The following USP24 variants were observed in gnomAD, a reference collection of about 807,000 sequenced individuals.
The protein encoded by USP24 is ubiquitin carboxyl-terminal hydrolase 24.
USP24 carries 97 observed loss-of-function variants against 361.6 expected under a neutral mutation model. That is an observed-to-expected ratio of 0.27 (90% confidence interval 0.23 to 0.32). USP24 has a LOEUF of 0.32. Ranked by LOEUF, USP24 falls within the 10% of genes least tolerant of loss-of-function variation. USP24 has a pLI of 1.00. For synonymous variants in USP24, 1,098 were observed against 1,124.6 expected, an observed-to-expected ratio of 0.98 and a Z score of 0.47; for missense variants, 2,353 against 3,165.6, an observed-to-expected ratio of 0.74 and a Z score of 6.16.
In USP24 at chr1:55,097,007, C is replaced by T. The variant is rs770796910; in HGVS notation, c.5881G>A (p.Val1961Ile). Residue 1961 changes from valine to isoleucine, a missense_variant, in exon 49 of 68, where the codon GTA becomes ATA. By Grantham distance (29) the Val-to-Ile change is conservative (BLOSUM62 3). Transcript: ENST00000294383. ...TENYELVGVIVHSGQAHAGHY... is the reference protein window; with the variant it reads ...TENYELVGVIIHSGQAHAGHY... ...CCTGCGTGTGCCTGCCCACTGTGTA[C>T]GATGACACCGACAAGTTCATAGTTT... The T allele has an allele frequency of 2.4e-5, 38 of 1,613,722 alleles. No individual in the cohort carries two copies. The highest frequency in any genetic ancestry group is 3.0e-5 in the Non-Finnish European group (35 of 1,179,862).
intron 1 of USP24, among the ~76,000 whole-genome samples, chr1:55,203,577 CTTAA>C (rs1388846495): frequency 6.6e-6 from 1 of 152,216 alleles, no homozygotes; most frequent in African/African-American, 2.4e-5. Context: ...GCTAAGTAGT[CTTAA>C]TTAATATTCG....
intron 37 of USP24, 103 bp from the exon 38 acceptor site, chr1:55,120,859 G>A: frequency 7.5e-7 from 1 of 1,341,348 alleles, no homozygotes; most frequent in South Asian, 1.6e-5. Context: ...AGTCAATCAA[G>A]TTATTGAAGG....
chr1:55,092,720 A>C (rs1238998243), intron 53 of USP24, 101 bp downstream of exon 53: 1 of 868,770 alleles, frequency 1.2e-6, no homozygotes, highest in Admixed American at 3.4e-5. Context: ...TCTAACCTGA[A>C]TGCTAACTAC....
intron 55 of USP24, among the ~76,000 whole-genome samples, chr1:55,087,896 G>A (rs496449): frequency 0.87 from 131,733 of 152,224 alleles, 57,076 homozygotes; most frequent in East Asian, 1. Context: ...AGGGGAGGAT[G>A]GTGTTCCAGA....
intron 1 of USP24, among the ~76,000 whole-genome samples, chr1:55,208,115 G>T (rs928489406): frequency 6.6e-6 from 1 of 151,990 alleles, no homozygotes; most frequent in African/African-American, 2.4e-5. Context: ...TCAAATCTAC[G>T]GCTATATATT....
At position 55,123,799 on chromosome 1, in the gene USP24, A is replaced by G. The variant is rs114022594; in HGVS notation, c.4121-197T>C. ...TTTTCTTTAAAACACATTTGCAGGC[A>G]ATCAAAATGTGTTCACAAGGCAAAA... On this transcript the variant is annotated intron_variant, in intron 35 of 67. Coordinates refer to ENST00000294383, the MANE Select transcript of USP24 (RefSeq NM_015306.3). 4.3e-3 allele frequency among the ~76,000 whole-genome samples: 648 copies of G among 152,362 alleles called. 2 individuals are homozygous for G. The highest frequency in any genetic ancestry group is 0.014 in the African/African-American group (600 of 41,578).
chr1:55,075,311 G>A, intron 63 of USP24, 146 bp downstream of exon 63: 2 of 652,366 alleles, frequency 3.1e-6, no homozygotes, highest in Admixed American at 3.7e-5. Flanking sequence ...TGACCAGAAT[G>A]AGGGAGCCCA....
At chr1:55,109,657 G>A (rs1191848716) in intron 39 of USP24, among the ~76,000 whole-genome samples, 2 of 152,088 alleles carry the variant, frequency 1.3e-5, no homozygotes, top group Admixed American at 6.6e-5. Flanking sequence ...GAAGAGCGGA[G>A]AATAACAAAC....
At chr1:55,085,362 G>A (rs1032118058) in intron 56 of USP24, among the ~76,000 whole-genome samples, 1 of 152,196 alleles carries the variant, frequency 6.6e-6, no homozygotes, top group Non-Finnish European at 1.5e-5. Flanking sequence ...AGTTCATTGA[G>A]GCACAATGCC....
chr1:55,133,920 A>G (rs1252961672), intron 30 of USP24, 150 bp downstream of exon 30: 4 of 766,842 alleles, frequency 5.2e-6, no homozygotes, highest in Non-Finnish European at 8.4e-6. Context: ...GGCGTGAGCC[A>G]CTGCACTGGG....
chr1:55,081,700 T>A (rs1645152119), intron 58 of USP24, among the ~76,000 whole-genome samples: 1 of 152,192 alleles, frequency 6.6e-6, no homozygotes, highest in Non-Finnish European at 1.5e-5. Context: ...AGGCTGGAGA[T>A]CTGCAGGTCT....
chr1:55,073,591 A>G lies in USP24; in HGVS notation c.7526+237T>C, dbSNP rs77808628. Reference sequence around the variant, plus strand: ...ATCTGCCCTGATTCCTGCCTTTCTGACATAAGGCCTGATGGGTGAGCTTTT... The same window carrying G: ...ATCTGCCCTGATTCCTGCCTTTCTGGCATAAGGCCTGATGGGTGAGCTTTT... On this transcript the variant is annotated intron_variant, in intron 64 of 67. Transcript: ENST00000294383. Among the ~76,000 whole-genome samples the G allele has an allele frequency of 3.4e-3, 512 of 152,244 alleles. 4 individuals carry two copies. The highest frequency in any genetic ancestry group is 0.012 in the African/African-American group (498 of 41,534).
chr1:55,124,737 G>T, intron 34 of USP24, 109 bp from the exon 35 acceptor site: 1 of 1,234,326 alleles, frequency 8.1e-7, no homozygotes, highest in Non-Finnish European at 1.1e-6. Context: ...TCCCTCCAAG[G>T]TCATCCAGAA....
In USP24 at chr1:55,100,908, T is replaced by C. The variant is rs1645616829; in HGVS notation, c.5202A>G (p.Gln1734=). 1.2e-6 allele frequency: 2 copies of C among 1,613,744 alleles called. No individual in the cohort carries two copies. Among genetic ancestry groups the C allele is most frequent in the Non-Finnish European group, 8.5e-7 (1 of 1,179,772 alleles). Residue 1734 remains glutamine (Q), a synonymous_variant, in exon 44 of 68, where the codon CAA becomes CAG. Coordinates refer to ENST00000294383, the MANE Select transcript of USP24 (RefSeq NM_015306.3). ...TDNPDDSVFY[Q]VQSLFGHLME... ...TTAAATGTCCAAAGAGAGACTGCACTTGGTAAAACACGCTATCATCTGGAT... is the reference window on the plus strand; with the variant it reads ...TTAAATGTCCAAAGAGAGACTGCACCTGGTAAAACACGCTATCATCTGGAT...
chr1:55,092,215 A>T lies in USP24; in HGVS notation c.6451-89T>A, dbSNP rs1477669243. The T allele has an allele frequency of 1.1e-5, 9 of 786,418 alleles. 1 individual carries two copies. In the South Asian group the frequency reaches 1.6e-4, roughly 14 times the overall value. The allele number at this position is 786,418 out of a possible 1,614,324, so 48.7% of individuals were successfully genotyped here. A position where few individuals can be genotyped will look rare whatever the true frequency, so the allele number is the denominator to read the frequency against. On this transcript the variant is annotated intron_variant, in intron 53 of 67. Transcript: ENST00000294383. The stretch of plus-strand genomic sequence containing the variant: ...ACGAACTAAATTATGATACACACAC[A>T]ATATATGAATATGATATACACACAT...
At chr1:55,163,382 A>G (rs1449936121) in intron 7 of USP24, among the ~76,000 whole-genome samples, 1 of 152,046 alleles carries the variant, frequency 6.6e-6, no homozygotes. Context: ...AAATAGATAC[A>G]GCATTGATAA....
chr1:55,161,542 T>C (rs944506271), intron 8 of USP24, among the ~76,000 whole-genome samples: 12 of 152,120 alleles, frequency 7.9e-5, no homozygotes, highest in African/African-American at 2.9e-4. Context: ...TCAAAACCAT[T>C]TATGGTGATT....
At chr1:55,125,020 AG>A (rs1467998248) in intron 34 of USP24, among the ~76,000 whole-genome samples, 1 of 152,140 alleles carries the variant, frequency 6.6e-6, no homozygotes, top group Non-Finnish European at 1.5e-5. Flanking sequence ...CTGTTCTTCA[AG>A]GCCTAGCTCA....
chr1:55,096,303 T>C (rs1645494479), intron 50 of USP24, among the ~76,000 whole-genome samples, 195 bp downstream of exon 50: 1 of 152,190 alleles, frequency 6.6e-6, no homozygotes, highest in African/African-American at 2.4e-5. Flanking sequence ...AGAAATTATT[T>C]AAAAAAATTT....
Sources: gnomAD v4.1 joint callset for allele counts (sites outside exome capture counted in the v4.1 genomes callset) on GRCh38, gnomAD v4.1.1 for gene constraint, MANE v1.5 for transcripts, NCBI Gene and HGNC (gene_info 2026-07-23, HGNC 2026-07-21) for gene names.